The following GTF2A1L variants were observed in gnomAD, a reference collection of about 807,000 sequenced individuals.
GTF2A1L encodes the protein general transcription factor IIA subunit 1 like.
GTF2A1L carries 48 observed loss-of-function variants against 49.7 expected under a neutral mutation model. The observed-to-expected ratio is 0.97, with a 90% CI of 0.77 to 1.23. The LOEUF is 1.23. Ranked by LOEUF, GTF2A1L falls within the 50% of genes most tolerant of loss-of-function variation. The pLI, the probability that GTF2A1L is intolerant of heterozygous loss-of-function variation, is 0.00. For synonymous variants in GTF2A1L, 246 were observed against 193.5 expected (o/e 1.27, Z -2.25); for missense variants, 736 against 564.8 (o/e 1.30, Z -3.07).
chr2:48,621,340 C>G (rs1421985734), intron 3 of GTF2A1L, 50 bp downstream of exon 3: 3 of 1,611,912 alleles, frequency 1.9e-6, no homozygotes. Flanking sequence ...AGAACAAATT[C>G]TCATTTGGGA....
chr2:48,640,641 C>T (rs553228436), intron 3 of GTF2A1L, among the ~76,000 whole-genome samples: 2 of 152,122 alleles, frequency 1.3e-5, no homozygotes, highest in African/African-American at 4.8e-5. Flanking sequence ...AAATCTGTGA[C>T]ACGAGTTTAC....
At chr2:48,658,699 A>G (rs1432055952) in intron 6 of GTF2A1L, among the ~76,000 whole-genome samples, 3 of 151,844 alleles carry the variant, frequency 2.0e-5, no homozygotes, top group Admixed American at 1.3e-4. Flanking sequence ...TAGAGTTTCA[A>G]TTTCTTTCTG....
Position 48,620,819 on chromosome 2 carries a change from A to G in GTF2A1L, c.22-32A>G, listed in dbSNP as rs1193005469. 6 of 1,138,350 alleles carry G rather than the reference A, an allele frequency of 5.3e-6. No homozygotes were observed. In the Middle Eastern group the frequency reaches 7.9e-4, roughly 149 times the overall value. The allele number at this position is 1,138,350 out of a possible 1,614,324, so 70.5% of individuals were successfully genotyped here. On this transcript the variant is annotated intron_variant, in intron 1 of 8. Transcript: ENST00000403751. ...TAAATAAATAAATAAATAAATAAATAAAATGAAACTTTAACAATTGCTTTT... is the reference window on the plus strand; with the variant it reads ...TAAATAAATAAATAAATAAATAAATGAAATGAAACTTTAACAATTGCTTTT...
intron 3 of GTF2A1L, among the ~76,000 whole-genome samples, chr2:48,636,366 A>G (rs1676887689): frequency 6.6e-6 from 1 of 152,300 alleles, no homozygotes; most frequent in African/African-American, 2.4e-5. Flanking sequence ...AATAATTCTT[A>G]GATTATGCAA....
At chr2:48,649,022 TG>T (rs1178497891) in intron 6 of GTF2A1L, among the ~76,000 whole-genome samples, 1 of 152,206 alleles carries the variant, frequency 6.6e-6, no homozygotes, top group Non-Finnish European at 1.5e-5. Flanking sequence ...GGAGAGCTTA[TG>T]GATCTATAGG....
chr2:48,671,813 C>T, intron 8 of GTF2A1L, 133 bp downstream of exon 8: 2 of 853,192 alleles, frequency 2.3e-6, no homozygotes, highest in South Asian at 2.2e-5. Context: ...TCTGGAAATT[C>T]TGAGTGTGTA....
chr2:48,621,312 A>G (rs750296673), intron 3 of GTF2A1L, 22 bp downstream of exon 3: 9 of 1,613,758 alleles, frequency 5.6e-6, no homozygotes, highest in South Asian at 3.3e-5. Context: ...TTAGTAAATG[A>G]GTACTGTTAG....
intron 3 of GTF2A1L, among the ~76,000 whole-genome samples, chr2:48,636,695 T>C (rs1676907410): frequency 6.6e-6 from 1 of 152,230 alleles, no homozygotes. Flanking sequence ...TATATTACAC[T>C]CCGAGAACTG....
In GTF2A1L at chr2:48,626,482, T is replaced by C. The variant is rs921193365; in HGVS notation, c.247+5192T>C. Among the ~76,000 whole-genome samples, 2 of 144,856 alleles carry C rather than the reference T, an allele frequency of 1.4e-5. 1 individual carries two copies. The highest frequency in any genetic ancestry group is 3.1e-5 in the Non-Finnish European group (2 of 64,230). The stretch of plus-strand genomic sequence containing the variant: ...GCTTTGGGTAGTATGGACATTTTAA[T>C]GATATCAGTTATTCCAGTCCATGAA... On this transcript the variant is annotated intron_variant, in intron 3 of 8. Transcript: ENST00000403751.
At chr2:48,619,498 A>T (rs35269604) in intron 1 of GTF2A1L, among the ~76,000 whole-genome samples, 19,339 of 149,926 alleles carry the variant, frequency 0.13, 1,477 homozygotes, top group African/African-American at 0.21. Context: ...ATAATAATAA[A>T]AAAAAAGCAC....
chr2:48,672,364 A>G (rs1233428386), intron 8 of GTF2A1L, among the ~76,000 whole-genome samples: 1 of 152,232 alleles, frequency 6.6e-6, no homozygotes, highest in African/African-American at 2.4e-5. Context: ...AGCAGATTAG[A>G]ATATCCTGAA....
chr2:48,674,659 T>C (rs1679370177), intron 8 of GTF2A1L, among the ~76,000 whole-genome samples: 1 of 152,206 alleles, frequency 6.6e-6, no homozygotes, highest in African/African-American at 2.4e-5. Flanking sequence ...TAATTATATA[T>C]ACATTCCATA....
intron 6 of GTF2A1L, among the ~76,000 whole-genome samples, chr2:48,654,458 G>T (rs1204945020): frequency 6.6e-6 from 1 of 152,040 alleles, no homozygotes; most frequent in African/African-American, 2.4e-5. Flanking sequence ...GAGTACAGTG[G>T]TATGATCTCA....
chr2:48,646,756 C>G lies in GTF2A1L; in HGVS notation c.692C>G (p.Ala231Gly), dbSNP rs988030514. The G allele has an allele frequency of 6.2e-7, 1 of 1,614,150 alleles. No homozygotes were observed. The change falls in exon 6 of 9, where the codon GCT (alanine) becomes GGT (glycine). Residue 231 changes from alanine (A) to glycine (G), a missense_variant. Coordinates refer to ENST00000403751, the MANE Select transcript of GTF2A1L (RefSeq NM_006872.5). ...AATGAGCATAAAATCGTGCCTGAAG[C>G]TTTGTTGTGTCATCAGGAAAGTTCT... ...PGNEHKIVPE[A>G]LLCHQESSHY...
chr2:48,637,416 C>G (rs1376796213), intron 3 of GTF2A1L, among the ~76,000 whole-genome samples: 2 of 152,078 alleles, frequency 1.3e-5, no homozygotes, highest in Admixed American at 6.6e-5. Flanking sequence ...GTTAAATTTA[C>G]TATTTCTAAT....
At chr2:48,618,183 C>G (rs1675772233) in intron 1 of GTF2A1L, 1 of 400,384 alleles carries the variant, frequency 2.5e-6, no homozygotes, top group Non-Finnish European at 4.4e-6. Context: ...GGAACTGATC[C>G]TCAACCCTGC....
At chr2:48,627,755 A>C (rs1676362655) in intron 3 of GTF2A1L, among the ~76,000 whole-genome samples, 1 of 143,266 alleles carries the variant, frequency 7.0e-6, no homozygotes, top group Non-Finnish European at 1.6e-5. Context: ...TCAGGGGTAC[A>C]CAGGCAGGTT....
chr2:48,665,678 G>T (rs922653396), intron 6 of GTF2A1L, among the ~76,000 whole-genome samples: 6 of 152,084 alleles, frequency 3.9e-5, no homozygotes, highest in African/African-American at 1.4e-4. Context: ...TGTGGTCAGA[G>T]AATATACTTT....
chr2:48,658,787 A>G lies in GTF2A1L; in HGVS notation c.979-10935A>G, dbSNP rs139150646. On this transcript the variant is annotated intron_variant, in intron 6 of 8. Transcript: ENST00000403751. The stretch of plus-strand genomic sequence containing the variant: ...CTAGTTTGTGTGCATAGATGTGTTT[A>G]TAATAGTCTCTGAGGATCTTTTGTA... Among the ~76,000 whole-genome samples, 1,054 of 152,190 alleles carry G rather than the reference A, an allele frequency of 6.9e-3. 5 individuals are homozygous for G. Among genetic ancestry groups the G allele is most frequent in the Admixed American group, 0.01 (159 of 15,280 alleles).
Sources: gnomAD v4.1 joint callset for allele counts (sites outside exome capture counted in the v4.1 genomes callset) on GRCh38, gnomAD v4.1.1 for gene constraint, MANE v1.5 for transcripts, NCBI Gene and HGNC (gene_info 2026-07-23, HGNC 2026-07-21) for gene names.